The following LRMDA variants were observed in gnomAD, a reference collection of about 807,000 sequenced individuals.
LRMDA encodes leucine-rich melanocyte differentiation-associated protein.
Under a neutral mutation model 29.8 loss-of-function variants are expected in LRMDA, and 18 were observed. The observed-to-expected ratio is 0.60, with a 90% CI of 0.42 to 0.90. LRMDA has a LOEUF of 0.90. Among genes scored for constraint, LRMDA ranks in the 40% least tolerant of loss-of-function variants. LRMDA has a pLI of 0.00. For missense variants in LRMDA, 273 were observed against 273.9 expected (o/e 1.00, Z 0.02); for synonymous variants, 125 against 109.4 (o/e 1.14, Z -0.89).
intron 5 of LRMDA, among the ~76,000 whole-genome samples, chr10:76,130,846 A>G (rs1589340904): frequency 6.6e-6 from 1 of 152,112 alleles, no homozygotes; most frequent in East Asian, 1.9e-4. Context: ...TTTTTTTAGT[A>G]GAGACGGGGT....
intron 6 of LRMDA, chr10:76,470,609 A>G (rs1842608574): frequency 6.6e-6 from 1 of 152,088 alleles, no homozygotes. Context: ...TAGTTGGGAA[A>G]AGATTATTCT....
intron 2 of LRMDA, among the ~76,000 whole-genome samples, chr10:75,570,044 T>C (rs1589188794): frequency 6.6e-6 from 1 of 152,350 alleles, no homozygotes; most frequent in East Asian, 1.9e-4. Context: ...TATATTTATA[T>C]GGCCATTTTC....
intron 2 of LRMDA, among the ~76,000 whole-genome samples, chr10:75,821,244 A>T (rs1467990330): frequency 1.3e-5 from 2 of 152,214 alleles, no homozygotes; most frequent in Admixed American, 6.5e-5. Context: ...TCCCAGAAGA[A>T]CACAGATGCA....
chr10:75,965,060 C>A (rs891765711), intron 2 of LRMDA, among the ~76,000 whole-genome samples: 2 of 152,200 alleles, frequency 1.3e-5, no homozygotes, highest in Non-Finnish European at 2.9e-5. Flanking sequence ...GCCACTACAC[C>A]CAGCCTGAAG....
At chr10:75,490,615 G>A (rs141125902) in intron 2 of LRMDA, among the ~76,000 whole-genome samples, 112 of 152,260 alleles carry the variant, frequency 7.4e-4, no homozygotes, top group Middle Eastern at 3.4e-3. Context: ...TTTCATTTTA[G>A]AGAGGAGACT....
chr10:76,547,037 G>A (rs1843429897), intron 6 of LRMDA, among the ~76,000 whole-genome samples: 1 of 152,128 alleles, frequency 6.6e-6, no homozygotes, highest in South Asian at 2.1e-4. Flanking sequence ...ACAATGCTAG[G>A]TAGATTTGTG....
chr10:75,715,330 A>G (rs1842486958), intron 2 of LRMDA, among the ~76,000 whole-genome samples: 1 of 152,208 alleles, frequency 6.6e-6, no homozygotes, highest in South Asian at 2.1e-4. Context: ...TCCTTATTAT[A>G]AAGACAATAT....
chr10:75,784,934 C>T (rs1843447026), intron 2 of LRMDA, among the ~76,000 whole-genome samples: 1 of 152,048 alleles, frequency 6.6e-6, no homozygotes, highest in Non-Finnish European at 1.5e-5. Context: ...GGTAAATAGC[C>T]TTTACTTGCT....
chr10:76,514,198 A>G (rs542532676), intron 6 of LRMDA, among the ~76,000 whole-genome samples: 12 of 152,318 alleles, frequency 7.9e-5, no homozygotes, highest in African/African-American at 2.6e-4. Flanking sequence ...TAGAAGAGGC[A>G]CAGTAGGACT....
intron 2 of LRMDA, among the ~76,000 whole-genome samples, chr10:75,802,397 C>T (rs914568145): frequency 3.3e-5 from 5 of 151,702 alleles, no homozygotes; most frequent in South Asian, 2.1e-4. Context: ...TAAGGAAGGC[C>T]GGTCTAGCAT....
chr10:76,070,613 T>C (rs930272728), intron 5 of LRMDA, among the ~76,000 whole-genome samples: 2 of 152,148 alleles, frequency 1.3e-5, no homozygotes, highest in African/African-American at 4.8e-5. Flanking sequence ...ACGTGTGAAT[T>C]TGGGGGTACG....
intron 2 of LRMDA, among the ~76,000 whole-genome samples, chr10:75,986,844 T>C (rs1254669516): frequency 6.6e-6 from 1 of 152,254 alleles, no homozygotes; most frequent in Non-Finnish European, 1.5e-5. Context: ...CTAGTCACAG[T>C]AATTCTGTTC....
chr10:76,008,295 C>T (rs1847709831), intron 2 of LRMDA, among the ~76,000 whole-genome samples: 1 of 152,144 alleles, frequency 6.6e-6, no homozygotes, highest in Admixed American at 6.5e-5. Flanking sequence ...GTGATCCTGC[C>T]TGTAGACTGA....
At chr10:75,537,229 C>T (rs544276048) in intron 2 of LRMDA, among the ~76,000 whole-genome samples, 21 of 152,226 alleles carry the variant, frequency 1.4e-4, no homozygotes, top group African/African-American at 3.9e-4. Context: ...ATTATTATAA[C>T]GTGCAACCGC....
intron 5 of LRMDA, among the ~76,000 whole-genome samples, chr10:76,250,600 C>G (rs944537190): frequency 5.9e-5 from 9 of 152,156 alleles, no homozygotes; most frequent in Admixed American, 4.6e-4. Flanking sequence ...TTTGAAGAAG[C>G]AGGACTGAGG....
chr10:76,534,499 A>T (rs1843270728), intron 6 of LRMDA, among the ~76,000 whole-genome samples: 1 of 152,220 alleles, frequency 6.6e-6, no homozygotes, highest in Non-Finnish European at 1.5e-5. Flanking sequence ...CACAAAAATT[A>T]CACCTGGAGG....
chr10:76,007,019 TGTGTGTGTGTGTGC>T (rs57065793), intron 2 of LRMDA, among the ~76,000 whole-genome samples: 62,524 of 129,840 alleles, frequency 0.48, 15,658 homozygotes, highest in Non-Finnish European at 0.57. Context: ...TGTGTGTGTG[TGTGTGTGTGTGTGC>T]GCGTGTGTGT....
chr10:76,461,759 A>G (rs192055514), intron 6 of LRMDA, among the ~76,000 whole-genome samples: 335 of 152,216 alleles, frequency 2.2e-3, no homozygotes, highest in South Asian at 0.01. Context: ...TTTTACACAG[A>G]ATCACCTGGG....
chr10:75,578,024 T>A (rs1840530302), intron 2 of LRMDA, among the ~76,000 whole-genome samples: 1 of 151,462 alleles, frequency 6.6e-6, no homozygotes, highest in Non-Finnish European at 1.5e-5. Flanking sequence ...GCAGGATCAG[T>A]TTCACACATA....
Sources: gnomAD v4.1 joint callset for allele counts (sites outside exome capture counted in the v4.1 genomes callset) on GRCh38, gnomAD v4.1.1 for gene constraint, MANE v1.5 for transcripts, NCBI Gene and HGNC (gene_info 2026-07-23, HGNC 2026-07-21) for gene names.